MACO1: variants seen among roughly 807,000 people sequenced by gnomAD.
MACO1 encodes the protein macoilin.
MACO1 carries 14 observed loss-of-function variants against 78.7 expected under a neutral mutation model. That is an observed-to-expected ratio of 0.18 (90% confidence interval 0.12 to 0.28). The LOEUF (loss-of-function observed/expected upper bound fraction) is 0.28, where lower values mean the gene tolerates loss of function less well. Ranked by LOEUF, MACO1 falls within the 10% of genes least tolerant of loss-of-function variation. The probability of loss-of-function intolerance (pLI) is 1.00; values close to 1 mark genes in which losing one functional copy is unlikely to be tolerated. For synonymous variants in MACO1, 288 were observed against 291.6 expected (o/e 0.99, Z 0.12); for missense variants, 501 against 799.0 (o/e 0.63, Z 4.50).
At chr1:25,439,877 G>A (rs962332062) in intron 1 of MACO1, among the ~76,000 whole-genome samples, 1 of 151,836 alleles carries the variant, frequency 6.6e-6, no homozygotes, top group Non-Finnish European at 1.5e-5. Flanking sequence ...AATTAGCTGG[G>A]CATGGTGGCG....
chr1:25,448,893 C>A lies in MACO1; in HGVS notation c.308C>A (p.Ala103Asp). Residue 103 changes from alanine to aspartate, a missense_variant, in exon 3 of 11, where the codon GCT (alanine) becomes GAT (aspartate). Coordinates refer to ENST00000374343, the MANE Select transcript of MACO1 (RefSeq NM_018202.6). ...ATCCCCATACAGTGGCTTTTTTTTGCTGCTAGCACATATGTATGGGTTCAG... is the reference window on the plus strand; with the variant it reads ...ATCCCCATACAGTGGCTTTTTTTTGATGCTAGCACATATGTATGGGTTCAG... The part of the protein sequence containing the change: ...LFIPIQWLFF[A>D]ASTYVWVQYV... 1 of 1,545,086 alleles carries A rather than the reference C, an allele frequency of 6.5e-7. No homozygotes were observed. Among genetic ancestry groups the A allele is most frequent in the Non-Finnish European group, 8.8e-7 (1 of 1,133,326 alleles).
At chr1:25,461,319 A>G (rs2043169488) in intron 6 of MACO1, among the ~76,000 whole-genome samples, 1 of 152,082 alleles carries the variant, frequency 6.6e-6, no homozygotes, top group Non-Finnish European at 1.5e-5. Flanking sequence ...TATGTAACAA[A>G]CCTGCACATT....
intron 6 of MACO1, 110 bp from the exon 7 acceptor site, chr1:25,484,006 G>A (rs1052612369): frequency 1.2e-5 from 13 of 1,094,886 alleles, no homozygotes; most frequent in African/African-American, 6.4e-5. Flanking sequence ...AACTGCCAGC[G>A]GGGTCCTTTT....
intron 10 of MACO1, among the ~76,000 whole-genome samples, chr1:25,496,941 A>C (rs1466704161): frequency 6.6e-6 from 1 of 152,250 alleles, no homozygotes; most frequent in Non-Finnish European, 1.5e-5. Context: ...AAAATGGATA[A>C]TAATAATTCC....
At chr1:25,494,884 A>G (rs552731966) in intron 10 of MACO1, among the ~76,000 whole-genome samples, 1 of 152,234 alleles carries the variant, frequency 6.6e-6, no homozygotes, top group South Asian at 2.1e-4. Context: ...GGCCTAAACC[A>G]AAGACGGAGG....
intron 8 of MACO1, among the ~76,000 whole-genome samples, chr1:25,486,125 A>G (rs144579176): frequency 2.0e-5 from 3 of 152,308 alleles, no homozygotes; most frequent in East Asian, 1.9e-4. Flanking sequence ...GAGAGATTCT[A>G]TCTGGAAGTT....
chr1:25,431,226 C>T (rs1352877110), intron 1 of MACO1, 48 bp downstream of exon 1: 5 of 1,470,706 alleles, frequency 3.4e-6, no homozygotes, highest in Admixed American at 2.1e-5. Context: ...TGCGGTCCCC[C>T]TCCAGCTCCG....
At chr1:25,450,827 G>T (rs939017237) in intron 3 of MACO1, among the ~76,000 whole-genome samples, 2 of 151,938 alleles carry the variant, frequency 1.3e-5, no homozygotes, top group Admixed American at 1.3e-4. Flanking sequence ...TTTTACACTC[G>T]TCACTCTCCC....
intron 8 of MACO1, among the ~76,000 whole-genome samples, chr1:25,488,588 G>A (rs1332386397): frequency 6.6e-6 from 1 of 151,790 alleles, no homozygotes; most frequent in African/African-American, 2.4e-5. Flanking sequence ...CTGCCTCCCA[G>A]GTACAAGCAA....
intron 6 of MACO1, among the ~76,000 whole-genome samples, chr1:25,470,943 A>C (rs1253821993): frequency 6.6e-6 from 1 of 152,076 alleles, no homozygotes; most frequent in Non-Finnish European, 1.5e-5. Flanking sequence ...CACGAGAATC[A>C]CTTGAACCTG....
rs2043565335 is a variant in MACO1, at chr1:25,499,244, C to CTCACTCT, written c.*783_*784insCTTCACT. The CTCACTCT allele has an allele frequency of 6.6e-6, 1 of 152,182 alleles. No individual in the cohort carries two copies. Among genetic ancestry groups the CTCACTCT allele is most frequent in the South Asian group, 2.1e-4 (1 of 4,822 alleles). 9.4% of individuals were successfully genotyped at this position (152,182 alleles called of 1,614,324 possible). ...TCATCTATCCTCTATCTGTATCAAGCTCACTGCGGATCCTGCTGTAAAACT... is the reference window on the plus strand; with the variant it reads ...TCATCTATCCTCTATCTGTATCAAGCTCACTCTTCACTGCGGATCCTGCTGTAAAACT... On this transcript the variant is annotated 3_prime_UTR_variant, in exon 11 of 11. Transcript: ENST00000374343.
intron 4 of MACO1, among the ~76,000 whole-genome samples, chr1:25,455,077 A>G (rs1359146980): frequency 6.6e-6 from 1 of 152,186 alleles, no homozygotes; most frequent in African/African-American, 2.4e-5. Context: ...TAGGTGTCTG[A>G]TGAATGTTAG....
At chr1:25,496,005 T>C (rs993398004) in intron 10 of MACO1, among the ~76,000 whole-genome samples, 3 of 152,080 alleles carry the variant, frequency 2.0e-5, no homozygotes, top group Admixed American at 2.0e-4. Flanking sequence ...TCATCTCTAC[T>C]ACATCCTTTT....
At chr1:25,450,552 T>C (rs2043056514) in intron 3 of MACO1, among the ~76,000 whole-genome samples, 1 of 152,238 alleles carries the variant, frequency 6.6e-6, no homozygotes, top group Admixed American at 6.5e-5. Flanking sequence ...TAATAAAAGC[T>C]GTCTGGACCA....
intron 6 of MACO1, among the ~76,000 whole-genome samples, chr1:25,476,605 G>T (rs1571980529): frequency 6.6e-6 from 1 of 152,180 alleles, no homozygotes; most frequent in Non-Finnish European, 1.5e-5. Flanking sequence ...GGTATAGAGG[G>T]TAATCAGTAT....
chr1:25,445,515 G>A (rs186582640), intron 1 of MACO1, among the ~76,000 whole-genome samples: 2 of 151,838 alleles, frequency 1.3e-5, no homozygotes, highest in Admixed American at 1.3e-4. Context: ...GGCTTCAAAG[G>A]GCACAAAATA....
chr1:25,494,110 C>T (rs1404411257), intron 10 of MACO1, among the ~76,000 whole-genome samples: 1 of 152,208 alleles, frequency 6.6e-6, no homozygotes, highest in Non-Finnish European at 1.5e-5. Context: ...ACTCCACTTA[C>T]ACTTTTGACA....
At chr1:25,462,322 C>T (rs760256305) in intron 6 of MACO1, among the ~76,000 whole-genome samples, 13 of 151,884 alleles carry the variant, frequency 8.6e-5, no homozygotes, top group Non-Finnish European at 1.2e-4. Flanking sequence ...AGGAGGTACA[C>T]GTGCATTCAT....
rs183830708 is a variant in MACO1, at chr1:25,457,626, G to C, written c.653-765G>C. Among the ~76,000 whole-genome samples, 236 of 152,232 alleles carry C rather than the reference G, an allele frequency of 1.6e-3. 2 individuals carry two copies. Among genetic ancestry groups the C allele is most frequent in the African/African-American group, 5.2e-3 (215 of 41,542 alleles). ...TATAATGTAATGCAGATTTTAAATT[G>C]AACCATTTCTAATGGAATCTCTCTC... On this transcript the variant is annotated intron_variant, in intron 5 of 10. Transcript: ENST00000374343.
Sources: gnomAD v4.1 joint callset for allele counts (sites outside exome capture counted in the v4.1 genomes callset) on GRCh38, gnomAD v4.1.1 for gene constraint, MANE v1.5 for transcripts, NCBI Gene and HGNC (gene_info 2026-07-23, HGNC 2026-07-21) for gene names.